RSBN1L: variants seen among roughly 807,000 people sequenced by gnomAD.
RSBN1L encodes lysine-specific demethylase RSBN1L.
In RSBN1L, 30 loss-of-function variants were observed where a neutral mutation model predicts 67.7. That is an observed-to-expected ratio of 0.44 (90% confidence interval 0.33 to 0.60). The LOEUF is 0.60. Among genes scored for constraint, RSBN1L ranks in the 20% least tolerant of loss-of-function variants. RSBN1L has a pLI of 0.02. For synonymous variants in RSBN1L, 433 were observed against 387.0 expected, an observed-to-expected ratio of 1.12 and a Z score of -1.39; for missense variants, 992 against 1,031.7, an observed-to-expected ratio of 0.96 and a Z score of 0.53.
chr7:77,748,368 T>A (rs1182306836), intron 2 of RSBN1L, among the ~76,000 whole-genome samples: 7 of 152,314 alleles, frequency 4.6e-5, no homozygotes, highest in Admixed American at 3.9e-4. Context: ...ATGACTGGAT[T>A]TGATATTTCA....
chr7:77,703,824 C>G (rs2150411491), intron 1 of RSBN1L, among the ~76,000 whole-genome samples: 1 of 152,004 alleles, frequency 6.6e-6, no homozygotes, highest in Non-Finnish European at 1.5e-5. Context: ...GAATCTTGCT[C>G]TGTTGCCCAG....
chr7:77,747,791 T>C (rs1374104900), intron 2 of RSBN1L, among the ~76,000 whole-genome samples: 3 of 152,200 alleles, frequency 2.0e-5, no homozygotes, highest in Admixed American at 6.5e-5. Context: ...TATTAGTCCA[T>C]TCTTATACTG....
intron 2 of RSBN1L, among the ~76,000 whole-genome samples, chr7:77,737,651 T>G (rs1214052848): frequency 1.3e-5 from 2 of 152,196 alleles, no homozygotes; most frequent in Non-Finnish European, 2.9e-5. Context: ...TGTTGTCTAA[T>G]TAGATTGTAA....
chr7:77,728,480 A>G (rs1791234593), intron 1 of RSBN1L, among the ~76,000 whole-genome samples: 1 of 152,174 alleles, frequency 6.6e-6, no homozygotes, highest in Non-Finnish European at 1.5e-5. Context: ...ACATTTTAAA[A>G]AGTCACGAGG....
chr7:77,712,053 T>G (rs949621508), intron 1 of RSBN1L, among the ~76,000 whole-genome samples: 1 of 96,732 alleles, frequency 1.0e-5, no homozygotes, highest in Non-Finnish European at 2.0e-5. Flanking sequence ...ATTTTATAAT[T>G]GTATGTTTTT....
At chr7:77,742,165 A>T (rs1411249245) in intron 2 of RSBN1L, among the ~76,000 whole-genome samples, 14 of 87,208 alleles carry the variant, frequency 1.6e-4, no homozygotes, top group Admixed American at 7.0e-4. Flanking sequence ...ACCCATCTTT[A>T]AAAAAAAAAA....
In RSBN1L at chr7:77,780,345, A is replaced by G. The variant is rs915448202; in HGVS notation, c.*1177A>G. ...TAAGAAAGCAGTTTAGGTAATAGAA[A>G]CAGTTTTAGAAAGTTGGGAGAAACA... On this transcript the variant is annotated 3_prime_UTR_variant, in exon 8 of 8. Coordinates refer to ENST00000334955, the MANE Select transcript of RSBN1L (RefSeq NM_198467.3). The G allele has an allele frequency of 1.3e-5, 2 of 152,198 alleles. No homozygotes were observed. Among genetic ancestry groups the G allele is most frequent in the African/African-American group, 4.8e-5 (2 of 41,454 alleles). 9.4% of individuals were successfully genotyped at this position (152,198 alleles called of 1,614,324 possible).
chr7:77,763,635 G>T (rs963694105), intron 3 of RSBN1L, among the ~76,000 whole-genome samples: 1 of 152,166 alleles, frequency 6.6e-6, no homozygotes, highest in African/African-American at 2.4e-5. Context: ...ATTTTTAGGC[G>T]ACAGGAAAAA....
intron 1 of RSBN1L, among the ~76,000 whole-genome samples, chr7:77,708,178 A>G (rs1215585690): frequency 6.6e-6 from 1 of 152,064 alleles, no homozygotes; most frequent in Non-Finnish European, 1.5e-5. Flanking sequence ...ATTTAGGTAA[A>G]TGGAGATGAT....
chr7:77,762,258 G>A (rs1030205799), intron 3 of RSBN1L, among the ~76,000 whole-genome samples: 2 of 151,898 alleles, frequency 1.3e-5, no homozygotes, highest in Non-Finnish European at 2.9e-5. Context: ...AAAATTCAGG[G>A]TCTCTAAAAA....
chr7:77,732,950 A>G (rs1203123353), intron 1 of RSBN1L, among the ~76,000 whole-genome samples: 1 of 152,126 alleles, frequency 6.6e-6, no homozygotes, highest in Non-Finnish European at 1.5e-5. Flanking sequence ...CCACTTTATC[A>G]TAGCTCTGCC....
rs762645900 is a variant in RSBN1L, at chr7:77,696,491, G to C, written c.22G>C (p.Val8Leu). 6.2e-7 allele frequency: 1 copy of C among 1,612,772 alleles called. No homozygotes were observed. Among genetic ancestry groups the C allele is most frequent in the East Asian group, 2.2e-5 (1 of 44,874 alleles). Reference protein sequence around the residue: MAEPPSPVHCVAAAAPTA... With the variant: MAEPPSPLHCVAAAAPTA... ...CAAAATGGCGGAACCGCCGAGCCCC[G>C]TGCACTGTGTCGCTGCCGCGGCCCC... The change falls in exon 1 of 8, where the codon GTG (valine) becomes CTG (leucine). Residue 8 changes from valine to leucine, a missense_variant. This residue lies in a region of RSBN1L where 575 missense variants were observed against 483.2 expected (regional missense o/e 1.19). Transcript: ENST00000334955.
At chr7:77,701,010 T>C (rs1790808290) in intron 1 of RSBN1L, among the ~76,000 whole-genome samples, 1 of 151,892 alleles carries the variant, frequency 6.6e-6, no homozygotes, top group African/African-American at 2.4e-5. Context: ...TACAAAAAAT[T>C]AGCCGGGTGT....
intron 1 of RSBN1L, among the ~76,000 whole-genome samples, chr7:77,718,024 A>G (rs1791070681): frequency 2.6e-5 from 4 of 152,342 alleles, no homozygotes; most frequent in Admixed American, 2.6e-4. Context: ...GTCTCAGAAA[A>G]GAAAGGGAGA....
At position 77,697,074 on chromosome 7, in the gene RSBN1L, G is replaced by GGGGGA. The variant is rs1790745797; in HGVS notation, c.586+28_586+32dup. 2.2e-6 allele frequency: 3 copies of GGGGGA among 1,384,432 alleles called. No homozygotes were observed. The highest frequency in any genetic ancestry group is 3.0e-5 in the African/African-American group (2 of 65,698). 85.8% of individuals were successfully genotyped at this position (1,384,432 alleles called of 1,614,324 possible). On this transcript the variant is annotated intron_variant, in intron 1 of 7. Coordinates refer to ENST00000334955, the MANE Select transcript of RSBN1L (RefSeq NM_198467.3). The stretch of plus-strand genomic sequence containing the variant: ...CCCCGAGGTGGGTGCCGTGCGGGGA[G>GGGGGA]GGGGAGGGGAGGGCGCCGTGGGTCC...
rs1424970570 is a variant in RSBN1L at position 77,749,579 on chromosome 7, G to A, written c.859G>A (p.Val287Ile). 3.1e-6 allele frequency: 5 copies of A among 1,613,848 alleles called. No homozygotes were observed. The highest frequency in any genetic ancestry group is 2.2e-5 in the East Asian group (1 of 44,894). ...QTICSGLLTD[V>I]EDQAAKGILN... ...CATCTGCTCAGGATTGCTAACTGAT[G>A]TTGAAGATCAAGCAGCCAAAGGCAT... is the stretch of plus-strand genomic sequence containing the variant. Residue 287 changes from valine (V) to isoleucine (I), a missense_variant, in exon 3 of 8, where the codon GTT becomes ATT. Coordinates refer to ENST00000334955, the MANE Select transcript of RSBN1L (RefSeq NM_198467.3).
intron 2 of RSBN1L, among the ~76,000 whole-genome samples, chr7:77,743,093 G>T (rs1405938654): frequency 2.0e-5 from 3 of 150,868 alleles, no homozygotes; most frequent in Admixed American, 6.6e-5. Context: ...TTACTCTGTT[G>T]CCAGTATGGA....
At chr7:77,740,661 T>C (rs1250627980) in intron 2 of RSBN1L, among the ~76,000 whole-genome samples, 1 of 152,230 alleles carries the variant, frequency 6.6e-6, no homozygotes, top group East Asian at 1.9e-4. Context: ...ATACAGAAAG[T>C]ATACGAAAAT....
At chr7:77,737,761 G>A (rs1298115002) in intron 2 of RSBN1L, among the ~76,000 whole-genome samples, 2 of 152,190 alleles carry the variant, frequency 1.3e-5, no homozygotes, top group Admixed American at 1.3e-4. Flanking sequence ...GGTCGCTCAT[G>A]CCTGTAATCC....
Sources: gnomAD v4.1 joint callset for allele counts (sites outside exome capture counted in the v4.1 genomes callset) on GRCh38, gnomAD v4.1.1 for gene constraint, gnomAD v4.1.1 regional missense constraint, MANE v1.5 for transcripts, NCBI Gene and HGNC (gene_info 2026-07-23, HGNC 2026-07-21) for gene names.